Variants in WIPI2 observed in about 807,000 individuals in gnomAD.
The protein encoded by WIPI2 is WD repeat domain phosphoinositide-interacting protein 2.
WIPI2 carries 28 observed loss-of-function variants against 52.3 expected under a neutral mutation model. The ratio of observed to expected loss-of-function variants is 0.54; its 90% CI spans 0.40 to 0.73. The LOEUF is 0.73. WIPI2 is among the 30% of genes least tolerant of loss of function. The pLI is 0.00. For synonymous variants in WIPI2, 268 were observed against 245.0 expected (o/e 1.09, Z -0.88); for missense variants, 506 against 602.9 (o/e 0.84, Z 1.68).
intron 4 of WIPI2, among the ~76,000 whole-genome samples, chr7:5,215,203 C>T (rs1051073738): frequency 1.3e-5 from 2 of 151,988 alleles, no homozygotes; most frequent in Admixed American, 6.6e-5. Context: ...CCCGGCTACT[C>T]GGGAGGCTGA....
At chr7:5,209,742 C>A (rs1010498394) in intron 3 of WIPI2, among the ~76,000 whole-genome samples, 1 of 152,000 alleles carries the variant, frequency 6.6e-6, no homozygotes, top group Admixed American at 6.6e-5. Context: ...TTCAGGTGAC[C>A]AGCCCCCTAA....
At chr7:5,208,607 T>C (rs1338643401) in intron 3 of WIPI2, among the ~76,000 whole-genome samples, 1 of 152,204 alleles carries the variant, frequency 6.6e-6, no homozygotes, top group Non-Finnish European at 1.5e-5. Flanking sequence ...TTTTTATGTA[T>C]GTTGTGAGGT....
rs928284132 is a variant in WIPI2 at position 5,231,095 on chromosome 7, A to G, written c.*148A>G. 20 of 521,368 alleles carry G rather than the reference A, an allele frequency of 3.8e-5. No individual in the cohort carries two copies. In the Admixed American group the frequency reaches 4.0e-4, roughly 10 times the overall value. The allele number at this position is 521,368 out of a possible 1,614,324, so 32.3% of individuals were successfully genotyped here. Reference sequence around the variant, plus strand: ...AAAAAAAAGATTGTAGTGGTAGTCTAACTCCATAACGCTGAGGAAATACAT... The same window carrying G: ...AAAAAAAAGATTGTAGTGGTAGTCTGACTCCATAACGCTGAGGAAATACAT... On this transcript the variant is annotated 3_prime_UTR_variant, in exon 13 of 13. Coordinates refer to ENST00000288828, the MANE Select transcript of WIPI2 (RefSeq NM_015610.4).
chr7:5,221,682 T>C (rs1473150731), intron 7 of WIPI2, among the ~76,000 whole-genome samples: 1 of 152,218 alleles, frequency 6.6e-6, no homozygotes, highest in African/African-American at 2.4e-5. Context: ...TTGGGGGAAG[T>C]TGGCATCTTC....
At chr7:5,216,232 G>A (rs1339253400) in intron 4 of WIPI2, 3 of 210,494 alleles carry the variant, frequency 1.4e-5, no homozygotes, top group Non-Finnish European at 3.0e-5. Flanking sequence ...AGGAGTCCAA[G>A]ACCAGCCTGG....
chr7:5,231,926 G>T lies in WIPI2; in HGVS notation c.*979G>T, dbSNP rs769057872. ...AACAGAGAGTAGGCGGCTGGGCCAC[G>T]TCCTTCACAGGGCGTCATGTGCCTT... is the stretch of plus-strand genomic sequence containing the variant. On this transcript the variant is annotated 3_prime_UTR_variant, in exon 13 of 13. Transcript: ENST00000288828. 2 of 332,852 alleles carry T rather than the reference G, an allele frequency of 6.0e-6. No homozygotes were observed. The highest frequency in any genetic ancestry group is 1.1e-5 in the Non-Finnish European group (2 of 184,492). The allele number at this position is 332,852 out of a possible 1,614,324, so 20.6% of individuals were successfully genotyped here.
At position 5,232,515 on chromosome 7, in the gene WIPI2, T is replaced by A. The variant is rs556308179; in HGVS notation, c.*1568T>A. 49 of 394,294 alleles carry A rather than the reference T, an allele frequency of 1.2e-4. No homozygotes were observed. The highest frequency in any genetic ancestry group is 2.3e-4 in the African/African-American group (11 of 48,696). 24.4% of individuals were successfully genotyped at this position (394,294 alleles called of 1,614,324 possible). ...GAACTTTTCCTTCAAAACCTGCTTG[T>A]CTGTCCTGGACCTTTGATGAAATGG... On this transcript the variant is annotated 3_prime_UTR_variant, in exon 13 of 13. Transcript: ENST00000288828.
At position 5,217,024 on chromosome 7, in the gene WIPI2, G is replaced by A; in HGVS notation, c.479-66G>A. 3.4e-6 allele frequency: 5 copies of A among 1,450,522 alleles called. No homozygotes were observed. The South Asian group carries it at 4.8e-5, about 14-fold the overall frequency. 89.9% of individuals were successfully genotyped at this position (1,450,522 alleles called of 1,614,324 possible). A position where few individuals can be genotyped will look rare whatever the true frequency, so the allele number is the denominator to read the frequency against. ...CTCTGTTAAATGAATGCTGAATTAT[G>A]TCTGACATCCAAGAAGGAACTCTCA... On this transcript the variant is annotated intron_variant, in intron 5 of 12. Coordinates refer to ENST00000288828, the MANE Select transcript of WIPI2 (RefSeq NM_015610.4).
intron 3 of WIPI2, among the ~76,000 whole-genome samples, chr7:5,203,659 G>A (rs1266327865): frequency 1.6e-5 from 2 of 127,790 alleles, no homozygotes; most frequent in Non-Finnish European, 3.2e-5. Flanking sequence ...TTGAGACGGA[G>A]TGTCGCTCTG....
At chr7:5,207,349 C>T (rs1249909522) in intron 3 of WIPI2, among the ~76,000 whole-genome samples, 2 of 152,174 alleles carry the variant, frequency 1.3e-5, no homozygotes, top group African/African-American at 4.8e-5. Context: ...AAGAGGCAAC[C>T]AGTGTTCTGG....
intron 3 of WIPI2, among the ~76,000 whole-genome samples, chr7:5,200,611 T>C (rs1781976137): frequency 1.3e-5 from 2 of 152,070 alleles, no homozygotes; most frequent in African/African-American, 4.8e-5. Context: ...TGGAGTGCAG[T>C]GGTGCCATCT....
intron 3 of WIPI2, among the ~76,000 whole-genome samples, chr7:5,211,524 G>A (rs886161862): frequency 5.3e-5 from 8 of 152,294 alleles, no homozygotes; most frequent in East Asian, 1.9e-4. Context: ...GTAAAACACC[G>A]TGAGTGTTTA....
At position 5,225,882 on chromosome 7, in the gene WIPI2, G is replaced by A; in HGVS notation, c.800G>A (p.Ser267Asn). ...GACGGCATGTTCCTCTCCGCCTCCA[G>A]CAACACTGAGACCGTGCACATCTTC... is the stretch of plus-strand genomic sequence containing the variant. ...SMDGMFLSAS[S>N]NTETVHIFKL... Residue 267 changes from serine (S) to asparagine (N), a missense_variant, in exon 9 of 13, where the codon AGC becomes AAC. Physicochemically the swap from Ser to Asn is conservative, Grantham distance 46. Coordinates refer to ENST00000288828, the MANE Select transcript of WIPI2 (RefSeq NM_015610.4). The A allele has an allele frequency of 6.2e-7, 1 of 1,613,962 alleles. No individual in the cohort carries two copies. Among genetic ancestry groups the A allele is most frequent in the Non-Finnish European group, 8.5e-7 (1 of 1,179,986 alleles).
At chr7:5,219,834 A>C (rs1783010630) in intron 7 of WIPI2, among the ~76,000 whole-genome samples, 1 of 148,900 alleles carries the variant, frequency 6.7e-6, no homozygotes. Context: ...CTCAAGTACC[A>C]GTTTTTTTTT....
chr7:5,211,763 G>C (rs1356841054), intron 3 of WIPI2, among the ~76,000 whole-genome samples: 1 of 152,170 alleles, frequency 6.6e-6, no homozygotes, highest in Non-Finnish European at 1.5e-5. Context: ...GAAGCTGAGA[G>C]TCCAACTCTT....
chr7:5,212,825 T>C (rs1782623358), intron 3 of WIPI2, among the ~76,000 whole-genome samples: 1 of 152,228 alleles, frequency 6.6e-6, no homozygotes, highest in Admixed American at 6.5e-5. Flanking sequence ...GCCCCAGCCC[T>C]CTTTCTCGCC....
rs1380312502 is a variant in WIPI2 at position 5,232,653 on chromosome 7, C to G, written c.*1706C>G. 2 of 228,722 alleles carry G rather than the reference C, an allele frequency of 8.7e-6. No homozygotes were observed. Among genetic ancestry groups the G allele is most frequent in the Non-Finnish European group, 1.7e-5 (2 of 118,554 alleles). 14.2% of individuals were successfully genotyped at this position (228,722 alleles called of 1,614,324 possible). On this transcript the variant is annotated 3_prime_UTR_variant, in exon 13 of 13. Coordinates refer to ENST00000288828, the MANE Select transcript of WIPI2 (RefSeq NM_015610.4). ...ACGCAGCCTTGACCCACGCCTGCGT[C>G]TTGTGGTGCAAGGCCAGAGGGCTCT...
At chr7:5,214,904 G>A (rs1345686336) in intron 4 of WIPI2, among the ~76,000 whole-genome samples, 200 bp downstream of exon 4, 1 of 152,212 alleles carries the variant, frequency 6.6e-6, no homozygotes, top group Non-Finnish European at 1.5e-5. Flanking sequence ...CACGACAAAT[G>A]CCCGGGCCTC....
intron 3 of WIPI2, among the ~76,000 whole-genome samples, chr7:5,204,918 T>C (rs1034994247): frequency 6.6e-6 from 1 of 152,198 alleles, no homozygotes; most frequent in Non-Finnish European, 1.5e-5. Flanking sequence ...TCAGGCCATC[T>C]TCCTGCCTCA....
Sources: allele counts gnomAD v4.1 joint callset (sites outside exome capture counted in the v4.1 genomes callset), GRCh38; gene constraint gnomAD v4.1.1; transcripts MANE v1.5; gene names NCBI Gene and HGNC (gene_info 2026-07-23, HGNC 2026-07-21).